The following MDC1 variants were observed in gnomAD, a reference collection of about 807,000 sequenced individuals.
MDC1 encodes the protein mediator of DNA damage checkpoint protein 1.
Under a neutral mutation model 142.5 loss-of-function variants are expected in MDC1, and 81 were observed. That is an observed-to-expected ratio of 0.57 (90% CI 0.47 to 0.68). MDC1 has a LOEUF of 0.68. Ranked by LOEUF, MDC1 falls within the 30% of genes least tolerant of loss-of-function variation. The pLI, the probability that MDC1 is intolerant of heterozygous loss-of-function variation, is 0.00. For synonymous variants in MDC1, 797 were observed against 968.4 expected (o/e 0.82, Z 3.29); for missense variants, 2,119 against 2,547.9 (o/e 0.83, Z 3.62).
chr6:30,708,545 C>T (rs946751703), intron 7 of MDC1, among the ~76,000 whole-genome samples, 188 bp from the exon 8 acceptor site: 4 of 152,078 alleles, frequency 2.6e-5, no homozygotes, highest in Non-Finnish European at 5.9e-5. Context: ...TAACATTTAA[C>T]GTTTGTCTCA....
chr6:30,712,263 G>C lies in MDC1; in HGVS notation c.1679C>G (p.Ala560Gly). 1 of 1,613,082 alleles carries C rather than the reference G, an allele frequency of 6.2e-7. No individual in the cohort carries two copies. Among genetic ancestry groups the C allele is most frequent in the Non-Finnish European group, 8.5e-7 (1 of 1,180,028 alleles). Residue 560 changes from alanine to glycine, a missense_variant, in exon 5 of 15, where the codon GCA becomes GGA. Ala to Gly is a moderately conservative substitution (Grantham distance 60). Transcript: ENST00000376406. The surrounding 1 kb of genome is among the most constrained non-coding windows in gnomAD (Gnocchi z 4.7). ...QTDVKAVGGP[A>G]KLLVVSLEEA... ...CTCTAGAGATACCACAAGCAGCTTT[G>C]CTGGTCCCCCAACTGCTTTCACATC...
rs1257086740 is a variant in MDC1, at chr6:30,703,446, T to C, written c.5654A>G (p.Lys1885Arg). The C allele has an allele frequency of 6.2e-7, 1 of 1,614,012 alleles. No homozygotes were observed. Among genetic ancestry groups the C allele is most frequent in the African/African-American group, 1.3e-5 (1 of 75,036 alleles). ...GGGGGCTGTTGATTCTTGGTTAAGT[T>C]TGGTCCGTCGGAGGCTGCGGCTTGG... ...RIPSRSLRRT[K>R]LNQESTAPKV... The change falls in exon 11 of 15, where the codon AAA becomes AGA. Residue 1885 changes from lysine to arginine, a missense_variant. Coordinates refer to ENST00000376406, the MANE Select transcript of MDC1 (RefSeq NM_014641.3). This position sits in a 1 kb window ranked among gnomAD's most constrained non-coding sequence, Gnocchi z 4.4.
Position 30,712,600 on chromosome 6 carries a change from T to A in MDC1, c.1342A>T (p.Thr448Ser). 6.2e-7 allele frequency: 1 copy of A among 1,612,890 alleles called. No homozygotes were observed. The highest frequency in any genetic ancestry group is 8.5e-7 in the Non-Finnish European group (1 of 1,179,948). The change falls in exon 5 of 15, where the codon ACC becomes TCC. Residue 448 changes from threonine to serine, a missense_variant. Thr to Ser is a moderately conservative substitution (Grantham distance 58). Coordinates refer to ENST00000376406, the MANE Select transcript of MDC1 (RefSeq NM_014641.3). The surrounding 1 kb of genome is among the most constrained non-coding windows in gnomAD (Gnocchi z 4.7). ...RVVLLQRSQT[T>S]TERDSDTDVE... is the part of the protein sequence containing the mutation. ...TCTGTGTCACTGTCTCTCTCAGTGGTGGTTTGGCTTCGCTGCAGAAGGACC... is the reference window on the plus strand; with the variant it reads ...TCTGTGTCACTGTCTCTCTCAGTGGAGGTTTGGCTTCGCTGCAGAAGGACC...
chr6:30,702,432 C>T, intron 14 of MDC1, 121 bp downstream of exon 14: 2 of 713,872 alleles, frequency 2.8e-6, no homozygotes, highest in Admixed American at 3.2e-5. Context: ...TTTCCCCCAC[C>T]CTCTCACTAC....
Position 30,702,952 on chromosome 6 carries a change from A to C in MDC1, c.5866-75T>G, listed in dbSNP as rs1437374765. The C allele has an allele frequency of 3.7e-6, 6 of 1,603,342 alleles. No homozygotes were observed. The East Asian group carries it at 1.1e-4, about 30-fold the overall frequency. On this transcript the variant is annotated intron_variant, in intron 12 of 14. Coordinates refer to ENST00000376406, the MANE Select transcript of MDC1 (RefSeq NM_014641.3). The stretch of plus-strand genomic sequence containing the variant: ...GCTCTGCTGCCTAGCATTTAGAGAG[A>C]GCTCACAAAATGTCTTTTAAATCAA...
In MDC1 at chr6:30,703,459, G is replaced by C; in HGVS notation, c.5641C>G (p.Leu1881Val). Residue 1881 changes from leucine (L) to valine (V), a missense_variant, in exon 11 of 15, where the codon CTC becomes GTC. Physicochemically the swap from Leu to Val is conservative, Grantham distance 32 (BLOSUM62 1). Coordinates refer to ENST00000376406, the MANE Select transcript of MDC1 (RefSeq NM_014641.3). This position sits in a 1 kb window ranked among gnomAD's most constrained non-coding sequence, Gnocchi z 4.4. Reference protein sequence around the residue: ...EEPNRIPSRSLRRTKLNQEST... With the variant: ...EEPNRIPSRSVRRTKLNQEST... ...TCTTGGTTAAGTTTGGTCCGTCGGAGGCTGCGGCTTGGTATTCTGTTGGGC... is the reference window on the plus strand; with the variant it reads ...TCTTGGTTAAGTTTGGTCCGTCGGACGCTGCGGCTTGGTATTCTGTTGGGC... The C allele has an allele frequency of 6.2e-7, 1 of 1,614,026 alleles. No individual in the cohort carries two copies.
At chr6:30,700,671 G>A (rs1326795257) in intron 14 of MDC1, 39 bp from the exon 15 acceptor site, 1 of 1,608,882 alleles carries the variant, frequency 6.2e-7, no homozygotes, top group Non-Finnish European at 8.5e-7. Flanking sequence ...AGGTGAAAAA[G>A]AATCCTAGAA....
chr6:30,709,194 C>T lies in MDC1; in HGVS notation c.2222-837G>A, dbSNP rs554704634. ...GGACTACGGCATGTGCCAAAGTGCC[C>T]GGCTAATTTTTTGTATTTGTTGTAG... On this transcript the variant is annotated intron_variant, in intron 7 of 14. Coordinates refer to ENST00000376406, the MANE Select transcript of MDC1 (RefSeq NM_014641.3). The surrounding 1 kb of genome is among the most constrained non-coding windows in gnomAD (Gnocchi z 4.2). Among the ~76,000 whole-genome samples the T allele has an allele frequency of 7.2e-5, 11 of 152,244 alleles. No homozygotes were observed. Among genetic ancestry groups the T allele is most frequent in the Non-Finnish European group, 1.3e-4 (9 of 68,024 alleles).
At position 30,700,446 on chromosome 6, in the gene MDC1, G is replaced by C. The variant is rs1562066366; in HGVS notation, c.*19C>G. On this transcript the variant is annotated 3_prime_UTR_variant, in exon 15 of 15. Transcript: ENST00000376406. ...ATCTTCTAATTCGTGGTCTGGGAGG[G>C]AAAAGGGTAGTGGAGTTCTCAGGTG... 3 of 1,601,170 alleles carry C rather than the reference G, an allele frequency of 1.9e-6. No homozygotes were observed. The highest frequency in any genetic ancestry group is 2.6e-6 in the Non-Finnish European group (3 of 1,170,680).
Position 30,715,281 on chromosome 6 carries a change from C to T in MDC1, c.-3-103G>A, listed in dbSNP as rs115280377. ...AGGGGGTAAACTGGATCATTATGAA[C>T]GTTGATGCTTCTCTTTCCACCAATC... On this transcript the variant is annotated intron_variant, in intron 1 of 14. Coordinates refer to ENST00000376406, the MANE Select transcript of MDC1 (RefSeq NM_014641.3). This position sits in a 1 kb window ranked among gnomAD's most constrained non-coding sequence, Gnocchi z 4.1. 20,559 of 1,202,212 alleles carry T rather than the reference C, an allele frequency of 0.017. 310 individuals carry two copies. The highest frequency in any genetic ancestry group is 0.053 in the South Asian group (4,154 of 78,364). The allele number at this position is 1,202,212 out of a possible 1,614,324, so 74.5% of individuals were successfully genotyped here. A position where few individuals can be genotyped will look rare whatever the true frequency, so the allele number is the denominator to read the frequency against.
rs1775553442 is a variant in MDC1, at chr6:30,715,621, G to A, written c.-3-443C>T. On this transcript the variant is annotated intron_variant, in intron 1 of 14. Coordinates refer to ENST00000376406, the MANE Select transcript of MDC1 (RefSeq NM_014641.3). The surrounding 1 kb of genome is among the most constrained non-coding windows in gnomAD (Gnocchi z 4.1). ...CCCAAAGTGCTGGGATTACAGGCGT[G>A]AGCCACTGCGCCCCGTTGTTTTTCT... Among the ~76,000 whole-genome samples, 1 of 152,232 alleles carries A rather than the reference G, an allele frequency of 6.6e-6. No homozygotes were observed. Among genetic ancestry groups the A allele is most frequent in the Non-Finnish European group, 1.5e-5 (1 of 68,040 alleles).
In MDC1 at chr6:30,711,919, C is replaced by G. The variant is rs746649941; in HGVS notation, c.2023G>C (p.Glu675Gln). 7.8e-6 allele frequency: 12 copies of G among 1,539,388 alleles called. No individual in the cohort carries two copies. The highest frequency in any genetic ancestry group is 1.0e-5 in the Non-Finnish European group (12 of 1,145,550). ...GAQVPTGRER[E>Q]QHVGGTKDSE... ...TCCTTGGTCCCACCCACATGTTGTT[C>G]TCTCTCCCTTCCTGTGGGGACCTGG... The change falls in exon 5 of 15, where the codon GAA becomes CAA. Residue 675 changes from glutamate to glutamine, a missense_variant. Glu to Gln is a conservative substitution (Grantham distance 29). Transcript: ENST00000376406.
rs28986466 is a variant in MDC1 at position 30,708,269 on chromosome 6, C to T, written c.2310G>A (p.Thr770=). The T allele has an allele frequency of 2.5e-5, 41 of 1,612,760 alleles. No individual in the cohort carries two copies. Among genetic ancestry groups the T allele is most frequent in the Non-Finnish European group, 3.2e-5 (38 of 1,180,014 alleles). Reference sequence around the variant, plus strand: ...GGCAAGGTCCATAGGCCTCAAGGTGCGTGTCAAAAGGCTGGGTCTCAGAGT... The same window carrying T: ...GGCAAGGTCCATAGGCCTCAAGGTGTGTGTCAAAAGGCTGGGTCTCAGAGT... The part of the protein sequence containing the change: ...SEDSETQPFD[T]HLEAYGPCLS... The change falls in exon 8 of 15, where the codon ACG becomes ACA. Residue 770 remains threonine, a synonymous_variant. Transcript: ENST00000376406.
chr6:30,711,523 C>G lies in MDC1; in HGVS notation c.2129-19G>C. The G allele has an allele frequency of 6.2e-7, 1 of 1,609,750 alleles. No individual in the cohort carries two copies. Among genetic ancestry groups the G allele is most frequent in the Non-Finnish European group, 8.5e-7 (1 of 1,177,036 alleles). On this transcript the variant is annotated intron_variant, in intron 6 of 14. Coordinates refer to ENST00000376406, the MANE Select transcript of MDC1 (RefSeq NM_014641.3). ...TGGACTGCTGTACAGGAAAAGATGG[C>G]CTAAGTTCATCTCCTCCATACTACT...
chr6:30,703,909 C>T lies in MDC1; in HGVS notation c.5274G>A (p.Trp1758Ter). The change falls in exon 10 of 15, where the codon TGG (tryptophan) becomes TGA (stop). Residue 1758 changes from tryptophan to a stop codon, truncating the protein, a stop_gained. Coordinates refer to ENST00000376406, the MANE Select transcript of MDC1 (RefSeq NM_014641.3). LOFTEE classifies it high-confidence loss of function. This position sits in a 1 kb window ranked among gnomAD's most constrained non-coding sequence, Gnocchi z 4.4. ...PKSQASRNQRWGAVRAAESLT... is the reference protein window; with the variant it reads ...PKSQASRNQR ...GGGATTCAGCTGCTCTCACTGCTCCCCATCTTTGGTTCCTTGAGGCCTGGG... is the reference window on the plus strand; with the variant it reads ...GGGATTCAGCTGCTCTCACTGCTCCTCATCTTTGGTTCCTTGAGGCCTGGG... 4.3e-6 allele frequency: 7 copies of T among 1,614,162 alleles called. No homozygotes were observed. Among genetic ancestry groups the T allele is most frequent in the Non-Finnish European group, 5.1e-6 (6 of 1,180,036 alleles).
chr6:30,705,544 G>A lies in MDC1; in HGVS notation c.3639C>T (p.Thr1213=). ...VPTALELQPS[T]STDRPVTSEP... is the part of the protein sequence containing the mutation. ...CAGAGGTGACAGGTCGGTCGGTGGA[G>A]GTGGAAGGCTGGAGCTCAAGGGCTG... is the stretch of plus-strand genomic sequence containing the variant. The change falls in exon 10 of 15, where the codon ACC becomes ACT. Residue 1213 remains threonine, a synonymous_variant. Coordinates refer to ENST00000376406, the MANE Select transcript of MDC1 (RefSeq NM_014641.3). 1 of 1,607,204 alleles carries A rather than the reference G, an allele frequency of 6.2e-7. No homozygotes were observed. The highest frequency in any genetic ancestry group is 8.5e-7 in the Non-Finnish European group (1 of 1,176,860).
rs779580494 is a variant in MDC1 at position 30,704,421 on chromosome 6, C to G, written c.4762G>C (p.Val1588Leu). Residue 1588 changes from valine (V) to leucine (L), a missense_variant, in exon 10 of 15, where the codon GTC becomes CTC. Physicochemically the swap from Val to Leu is conservative, Grantham distance 32. Transcript: ENST00000376406. ...LQPSTSRNQL[V>L]TPEPTSRATR... ...GCCCGAGATGTGGGCTCAGGGGTGA[C>G]AAGCTGGTTTCTGGAGGTGGAAGGC... 5 of 1,612,246 alleles carry G rather than the reference C, an allele frequency of 3.1e-6. No homozygotes were observed. In the Admixed American group the frequency reaches 8.4e-5, roughly 27 times the overall value.
At position 30,704,182 on chromosome 6, in the gene MDC1, G is replaced by A; in HGVS notation, c.5001C>T (p.Asp1667=). The A allele has an allele frequency of 6.2e-7, 1 of 1,613,740 alleles. No homozygotes were observed. Among genetic ancestry groups the A allele is most frequent in the Non-Finnish European group, 8.5e-7 (1 of 1,179,798 alleles). ...CTATGGCCTCAGGGGTGACGGACTGGTCTGTGGGGGTAAAAGGCTCAAGAT... is the reference window on the plus strand; with the variant it reads ...CTATGGCCTCAGGGGTGACGGACTGATCTGTGGGGGTAAAAGGCTCAAGAT... The part of the protein sequence containing the change: ...ASDLEPFTPT[D]QSVTPEAIAQ... The change falls in exon 10 of 15, where the codon GAC becomes GAT. Residue 1667 remains aspartate, a synonymous_variant. Coordinates refer to ENST00000376406, the MANE Select transcript of MDC1 (RefSeq NM_014641.3).
chr6:30,702,010 C>G (rs1227207123), intron 14 of MDC1, among the ~76,000 whole-genome samples: 4 of 151,846 alleles, frequency 2.6e-5, no homozygotes, highest in African/African-American at 9.7e-5. Flanking sequence ...CGCCTGTAAT[C>G]CCAGCACTTT....
Sources: allele counts gnomAD v4.1 joint callset (sites outside exome capture counted in the v4.1 genomes callset), GRCh38; gene constraint gnomAD v4.1.1; non-coding constraint Gnocchi (gnomAD v3.1); transcripts MANE v1.5; gene names NCBI Gene and HGNC (gene_info 2026-07-23, HGNC 2026-07-21).